Variants in OR6N1 observed in about 807,000 individuals in gnomAD.
The protein encoded by OR6N1 is olfactory receptor family 6 subfamily N member 1.
For synonymous variants in OR6N1, 170 were observed against 150.7 expected, an observed-to-expected ratio of 1.13 and a Z score of -0.94; for missense variants, 394 against 371.7, an observed-to-expected ratio of 1.06 and a Z score of -0.49.
At chr1:158,825,682 G>C in the OR6N1 span, among the ~76,000 whole-genome samples, 1 of 152,192 alleles carries the variant, frequency 6.6e-6, no homozygotes, top group Non-Finnish European at 1.5e-5. Flanking sequence ...TGGTAGTAGT[G>C]TAAATTAGTT....
chr1:158,799,945 G>A, the OR6N1 span, among the ~76,000 whole-genome samples: 2 of 152,058 alleles, frequency 1.3e-5, no homozygotes, highest in Non-Finnish European at 2.9e-5. Flanking sequence ...GTTGCATGGT[G>A]CTTGGTGCCA....
chr1:158,825,732 C>T, the OR6N1 span, among the ~76,000 whole-genome samples: 6 of 152,256 alleles, frequency 3.9e-5, no homozygotes, highest in African/African-American at 1.4e-4. Context: ...CCTCCAAGAA[C>T]TTAAAACAGA....
intron 1 of OR6N1, among the ~76,000 whole-genome samples, chr1:158,768,263 T>C (rs1338288868): frequency 6.6e-6 from 1 of 152,172 alleles, no homozygotes. Flanking sequence ...TCTCAGGCGA[T>C]ATTTTTCTCT....
chr1:158,779,504 C>T, the OR6N1 span, among the ~76,000 whole-genome samples: 1 of 152,144 alleles, frequency 6.6e-6, no homozygotes, highest in Non-Finnish European at 1.5e-5. Flanking sequence ...CAGCCAATGC[C>T]GAACATTTCT....
the OR6N1 span, among the ~76,000 whole-genome samples, chr1:158,823,617 C>A: frequency 6.0e-5 from 9 of 149,902 alleles, no homozygotes; most frequent in South Asian, 1.9e-3. Flanking sequence ...CTTTATTGAT[C>A]TAGCTAGCAA....
chr1:158,825,853 G>T, the OR6N1 span, among the ~76,000 whole-genome samples: 1 of 152,146 alleles, frequency 6.6e-6, no homozygotes, highest in African/African-American at 2.4e-5. Context: ...ATTCACAAAA[G>T]AGCAAAAGCA....
At chr1:158,787,830 A>G in the OR6N1 span, among the ~76,000 whole-genome samples, 2 of 152,186 alleles carry the variant, frequency 1.3e-5, no homozygotes, top group Non-Finnish European at 1.5e-5. Flanking sequence ...AGGGAAATAC[A>G]TATTCCCCCA....
chr1:158,778,162 A>G, the OR6N1 span, among the ~76,000 whole-genome samples: 6 of 152,246 alleles, frequency 3.9e-5, no homozygotes, highest in Non-Finnish European at 8.8e-5. Flanking sequence ...ATTCACCTCT[A>G]TAAACATTTA....
At chr1:158,800,795 G>A in the OR6N1 span, among the ~76,000 whole-genome samples, 1 of 152,142 alleles carries the variant, frequency 6.6e-6, no homozygotes, top group African/African-American at 2.4e-5. Flanking sequence ...ATTTTAAAAG[G>A]TTGTCCAGAG....
intron 1 of OR6N1, among the ~76,000 whole-genome samples, chr1:158,768,266 T>G (rs1657328077): frequency 6.6e-6 from 1 of 152,158 alleles, no homozygotes; most frequent in Non-Finnish European, 1.5e-5. Flanking sequence ...CAGGCGATAT[T>G]TTTCTCTGCT....
At chr1:158,777,503 T>C in the OR6N1 span, 4 of 1,614,166 alleles carry the variant, frequency 2.5e-6, no homozygotes, top group Non-Finnish European at 3.4e-6. Flanking sequence ...ACTGAGAAGA[T>C]GAGCATGTTA....
At chr1:158,824,062 G>T in the OR6N1 span, among the ~76,000 whole-genome samples, 30,088 of 151,788 alleles carry the variant, frequency 0.2, 3,248 homozygotes, top group Admixed American at 0.29. Flanking sequence ...ATTGTGTTAT[G>T]GTCCAAGAGT....
the OR6N1 span, among the ~76,000 whole-genome samples, chr1:158,814,192 A>T: frequency 2.6e-5 from 4 of 152,190 alleles, no homozygotes; most frequent in Non-Finnish European, 4.4e-5. Context: ...ATCCTAGATG[A>T]TAGAACTTTA....
At chr1:158,825,309 G>A in the OR6N1 span, among the ~76,000 whole-genome samples, 5 of 151,908 alleles carry the variant, frequency 3.3e-5, no homozygotes, top group Admixed American at 2.6e-4. Flanking sequence ...CATGGTGGTG[G>A]GCGCCTGTAG....
chr1:158,798,015 C>T, the OR6N1 span, among the ~76,000 whole-genome samples: 1 of 151,836 alleles, frequency 6.6e-6, no homozygotes, highest in African/African-American at 2.4e-5. Context: ...AGAAATGAAT[C>T]CAGCCAATTT....
At chr1:158,830,090 A>C in the OR6N1 span, among the ~76,000 whole-genome samples, 1 of 152,234 alleles carries the variant, frequency 6.6e-6, no homozygotes, top group African/African-American at 2.4e-5. Context: ...GGGTGGGAAC[A>C]CAGAGCCAAA....
At chr1:158,820,244 T>C in the OR6N1 span, among the ~76,000 whole-genome samples, 1 of 152,162 alleles carries the variant, frequency 6.6e-6, no homozygotes, top group Non-Finnish European at 1.5e-5. Flanking sequence ...CCAACAACCT[T>C]CCAGCGTGGG....
chr1:158,825,088 C>T, the OR6N1 span, among the ~76,000 whole-genome samples: 2 of 151,830 alleles, frequency 1.3e-5, no homozygotes, highest in Non-Finnish European at 2.9e-5. Flanking sequence ...GTCTAATATC[C>T]AAAGTCTGTA....
chr1:158,769,903 A>G (rs1657373974), intron 1 of OR6N1, among the ~76,000 whole-genome samples: 1 of 152,136 alleles, frequency 6.6e-6, no homozygotes, highest in East Asian at 1.9e-4. Context: ...CCACTGCCCA[A>G]TTCTGCCTTC....
Sources: allele counts gnomAD v4.1 joint callset (sites outside exome capture counted in the v4.1 genomes callset), GRCh38; gene constraint gnomAD v4.1.1; transcripts MANE v1.5; gene names NCBI Gene and HGNC (gene_info 2026-07-23, HGNC 2026-07-21).